Variants in AKAP12 observed in about 807,000 individuals in gnomAD.
The protein encoded by AKAP12 is A-kinase anchoring protein 12.
A neutral mutation model predicts 79.9 loss-of-function variants in AKAP12; 32 were observed. That is an observed-to-expected ratio of 0.40 (90% CI 0.30 to 0.54). The LOEUF is 0.54. Ranked by LOEUF, AKAP12 falls within the 20% of genes least tolerant of loss-of-function variation. The pLI is 0.48. For synonymous variants in AKAP12, 808 were observed against 857.0 expected (o/e 0.94, Z 1.00); for missense variants, 2,074 against 2,177.0 (o/e 0.95, Z 0.94).
intron 2 of AKAP12, among the ~76,000 whole-genome samples, chr6:151,259,470 G>GTA (rs549086594): frequency 0.04 from 3,757 of 93,222 alleles, 194 homozygotes; most frequent in African/African-American, 0.14. Context: ...ATATATACAT[G>GTA]TATATATATA....
chr6:151,314,582 G>A (rs1777195978), intron 3 of AKAP12, among the ~76,000 whole-genome samples: 1 of 152,122 alleles, frequency 6.6e-6, no homozygotes, highest in Non-Finnish European at 1.5e-5. Flanking sequence ...AAAGAAGTTG[G>A]TAAATGCCAT....
chr6:151,267,562 GT>G (rs1415714380), intron 2 of AKAP12, among the ~76,000 whole-genome samples: 1 of 152,200 alleles, frequency 6.6e-6, no homozygotes, highest in Non-Finnish European at 1.5e-5. Context: ...AGGGTGGGGT[GT>G]GGAGTAGGGC....
chr6:151,321,913 T>TGTTTTTG (rs1264812282), intron 3 of AKAP12, among the ~76,000 whole-genome samples: 1 of 146,230 alleles, frequency 6.8e-6, no homozygotes, highest in African/African-American at 2.6e-5. Context: ...GTTTTTTTTT[T>TGTTTTTG]TTTTTTTTTT....
At chr6:151,302,623 A>G (rs1776886674) in intron 2 of AKAP12, among the ~76,000 whole-genome samples, 1 of 151,636 alleles carries the variant, frequency 6.6e-6, no homozygotes, top group Admixed American at 6.6e-5. Flanking sequence ...AGAACCCTAA[A>G]CTCTATAGAA....
At chr6:151,259,036 AAT>A (rs1446888633) in intron 2 of AKAP12, among the ~76,000 whole-genome samples, 1 of 147,604 alleles carries the variant, frequency 6.8e-6, no homozygotes, top group East Asian at 2.0e-4. Flanking sequence ...ATACAAAATA[AAT>A]ATATGTGTGT....
At chr6:151,244,695 T>G (rs1797037435) in intron 2 of AKAP12, among the ~76,000 whole-genome samples, 1 of 152,182 alleles carries the variant, frequency 6.6e-6, no homozygotes, top group South Asian at 2.1e-4. Context: ...GGGCCAGAAT[T>G]TAAGGCAAGA....
At chr6:151,272,879 T>A (rs1776218420) in intron 2 of AKAP12, among the ~76,000 whole-genome samples, 1 of 152,030 alleles carries the variant, frequency 6.6e-6, no homozygotes, top group Non-Finnish European at 1.5e-5. Flanking sequence ...TCTTATGTAG[T>A]GGATTTGTCA....
intron 3 of AKAP12, among the ~76,000 whole-genome samples, chr6:151,337,512 G>GAAAAA (rs565900855): frequency 0.031 from 3,142 of 101,460 alleles, 108 homozygotes; most frequent in East Asian, 0.12. Context: ...TTTCCGTCTC[G>GAAAAA]AAAAAAAAAA....
intron 2 of AKAP12, among the ~76,000 whole-genome samples, chr6:151,269,058 T>TA (rs1412284405): frequency 1.1e-4 from 16 of 149,458 alleles, no homozygotes; most frequent in African/African-American, 3.9e-4. Context: ...GAGAAACATT[T>TA]AATATCTAAT....
intron 2 of AKAP12, among the ~76,000 whole-genome samples, chr6:151,299,656 C>T (rs1479700962): frequency 1.3e-5 from 2 of 152,130 alleles, no homozygotes; most frequent in East Asian, 3.8e-4. Context: ...GACATCTTCA[C>T]ACATGAGTGT....
chr6:151,300,956 AT>A (rs1189774916), intron 2 of AKAP12, among the ~76,000 whole-genome samples: 1 of 152,228 alleles, frequency 6.6e-6, no homozygotes, highest in African/African-American at 2.4e-5. Context: ...CTCAAAAGAA[AT>A]AACTATTTAT....
Position 151,352,781 on chromosome 6 carries a change from T to C in AKAP12, c.4390T>C (p.Phe1464Leu), listed in dbSNP as rs1463085872. 6.2e-7 allele frequency: 1 copy of C among 1,614,124 alleles called. No individual in the cohort carries two copies. The highest frequency in any genetic ancestry group is 1.1e-5 in the South Asian group (1 of 91,082). ...GAAATCCTCTGAAAAAAATGAAGAC[T>C]TTGCCGCTCATCCAGGGGAAGATGC... ...EEKSSEKNED[F>L]AAHPGEDAVP... The change falls in exon 4 of 5, where the codon TTT becomes CTT. Residue 1464 changes from phenylalanine (F) to leucine (L), a missense_variant. Transcript: ENST00000402676.
intron 3 of AKAP12, among the ~76,000 whole-genome samples, chr6:151,337,218 CTT>C (rs1384500573): frequency 6.6e-6 from 1 of 151,852 alleles, no homozygotes; most frequent in Non-Finnish European, 1.5e-5. Flanking sequence ...AAAAAAATAA[CTT>C]CAGGCCAGGT....
intron 3 of AKAP12, among the ~76,000 whole-genome samples, chr6:151,313,902 TTA>T (rs1285952485): frequency 6.6e-6 from 1 of 152,142 alleles, no homozygotes; most frequent in Non-Finnish European, 1.5e-5. Context: ...ATATGACTAG[TTA>T]TATGGGTACT....
chr6:151,290,185 A>G (rs1452646061), intron 2 of AKAP12, among the ~76,000 whole-genome samples: 1 of 152,116 alleles, frequency 6.6e-6, no homozygotes. Context: ...GAATTGTTGA[A>G]TTCCTTCTCC....
Position 151,240,489 on chromosome 6 carries a change from G to C in AKAP12, c.-74G>C. On this transcript the variant is annotated 5_prime_UTR_variant, in exon 2 of 5. Transcript: ENST00000402676. ...GGACCTCGCGGGCGCGCGTCTTTTG[G>C]CTCTTGCCCCTGTCCCTGCGGCTTG... 1 of 1,329,210 alleles carries C rather than the reference G, an allele frequency of 7.5e-7. No homozygotes were observed. The highest frequency in any genetic ancestry group is 3.2e-5 in the East Asian group (1 of 31,610). 82.3% of individuals were successfully genotyped at this position (1,329,210 alleles called of 1,614,324 possible).
At chr6:151,309,488 A>G (rs190230278) in intron 3 of AKAP12, among the ~76,000 whole-genome samples, 1 of 152,002 alleles carries the variant, frequency 6.6e-6, no homozygotes, top group Non-Finnish European at 1.5e-5. Context: ...TAGAGGTGAA[A>G]TTTTTTTTCC....
intron 3 of AKAP12, among the ~76,000 whole-genome samples, chr6:151,345,490 T>A (rs1350415205): frequency 6.6e-6 from 1 of 151,892 alleles, no homozygotes; most frequent in Non-Finnish European, 1.5e-5. Context: ...AAAATCGATA[T>A]ATGTCCTATA....
chr6:151,349,425 T>A lies in AKAP12; in HGVS notation c.1034T>A (p.Val345Asp), dbSNP rs1190696479. 5 of 1,607,840 alleles carry A rather than the reference T, an allele frequency of 3.1e-6. No individual in the cohort carries two copies. In the Admixed American group the frequency reaches 8.6e-5, roughly 28 times the overall value. Residue 345 changes from valine (V) to aspartate (D), a missense_variant, in exon 4 of 5, where the codon GTT becomes GAT. Transcript: ENST00000402676. ...ACAGAAGAAGACGGAAAGGCAGAGG[T>A]TGCCTCCGAGAAACTGACCGCCTCC... is the stretch of plus-strand genomic sequence containing the variant. Reference protein sequence around the residue: ...VDTEEDGKAEVASEKLTASEQ... With the variant: ...VDTEEDGKAEDASEKLTASEQ...
Sources: allele counts gnomAD v4.1 joint callset (sites outside exome capture counted in the v4.1 genomes callset), GRCh38; gene constraint gnomAD v4.1.1; transcripts MANE v1.5; gene names NCBI Gene and HGNC (gene_info 2026-07-23, HGNC 2026-07-21).